The following DPP6 variants were observed in gnomAD, a reference collection of about 807,000 sequenced individuals.
DPP6 encodes A-type potassium channel modulatory protein DPP6.
DPP6 carries 69 observed loss-of-function variants against 122.6 expected under a neutral mutation model. The observed-to-expected ratio is 0.56, with a 90% confidence interval of 0.46 to 0.69. The LOEUF (loss-of-function observed/expected upper bound fraction) is 0.69, where lower values mean the gene tolerates loss of function less well. Ranked by LOEUF, DPP6 falls within the 30% of genes least tolerant of loss-of-function variation. The pLI, the probability that DPP6 is intolerant of heterozygous loss-of-function variation, is 0.00. For missense variants in DPP6, 928 were observed against 1,116.9 expected, an observed-to-expected ratio of 0.83 and a Z score of 2.41; for synonymous variants, 418 against 433.1, an observed-to-expected ratio of 0.97 and a Z score of 0.43.
At chr7:154,368,738 A>T (rs1488691835) in intron 1 of DPP6, among the ~76,000 whole-genome samples, 2 of 152,258 alleles carry the variant, frequency 1.3e-5, no homozygotes, top group Non-Finnish European at 2.9e-5. Context: ...CCAAAGATTC[A>T]TTAGATGAAT....
At chr7:154,663,489 T>A (rs1469528417) in intron 6 of DPP6, among the ~76,000 whole-genome samples, 1 of 40,616 alleles carries the variant, frequency 2.5e-5, no homozygotes, top group African/African-American at 4.6e-5. Context: ...TCCGTAGTGT[T>A]CATATAGTCA....
At chr7:154,220,903 G>A (rs572922336) in intron 1 of DPP6, among the ~76,000 whole-genome samples, 1 of 152,298 alleles carries the variant, frequency 6.6e-6, no homozygotes, top group South Asian at 2.1e-4. Context: ...CCTTCTGTGA[G>A]TGGGTTTTGG....
rs186756329 is a variant in DPP6, at chr7:154,238,511, C to A, written c.243+185448C>A. On this transcript the variant is annotated intron_variant, in intron 1 of 25. Coordinates refer to ENST00000377770, the MANE Select transcript of DPP6 (RefSeq NM_130797.4). ...GGATTAGACTGTCTGATTTAAGTAA[C>A]ACGATAGCCTAACAAGGAAGCACAG... 1.3e-4 allele frequency among the ~76,000 whole-genome samples: 20 copies of A among 152,204 alleles called. No homozygotes were observed. In the East Asian group the frequency reaches 3.7e-3, roughly 28 times the overall value.
At chr7:154,590,331 C>G (rs945641302) in intron 5 of DPP6, among the ~76,000 whole-genome samples, 1 of 151,856 alleles carries the variant, frequency 6.6e-6, no homozygotes, top group African/African-American at 2.4e-5. Flanking sequence ...AAAATTACAA[C>G]CTGGTCTTCT....
At chr7:154,177,008 A>AT (rs761433405) in intron 1 of DPP6, among the ~76,000 whole-genome samples, 3 of 151,908 alleles carry the variant, frequency 2.0e-5, no homozygotes, top group South Asian at 4.2e-4. Context: ...TAACTTTTGT[A>AT]TTTTTTGTAG....
the DPP6 span, among the ~76,000 whole-genome samples, chr7:153,816,908 GC>G: frequency 6.6e-6 from 1 of 152,110 alleles, no homozygotes; most frequent in African/African-American, 2.4e-5. Flanking sequence ...TGAGAACATA[GC>G]CTCAATCTCA....
intron 21 of DPP6, among the ~76,000 whole-genome samples, chr7:154,882,508 T>C (rs548567428): frequency 6.6e-6 from 1 of 152,334 alleles, no homozygotes; most frequent in Admixed American, 6.5e-5. Context: ...CTGTCCATTC[T>C]GTTTCCTCCT....
At chr7:153,863,958 A>G in the DPP6 span, among the ~76,000 whole-genome samples, 1 of 152,252 alleles carries the variant, frequency 6.6e-6, no homozygotes, top group African/African-American at 2.4e-5. Context: ...GATGTACCAC[A>G]TTTTGTTTAT....
At chr7:154,399,351 C>G (rs1815366905) in intron 1 of DPP6, among the ~76,000 whole-genome samples, 1 of 152,142 alleles carries the variant, frequency 6.6e-6, no homozygotes, top group Non-Finnish European at 1.5e-5. Flanking sequence ...ACATCTAGAT[C>G]ATGCCTGTAA....
chr7:154,055,618 A>C (rs2533721), intron 1 of DPP6: 10 of 152,156 alleles, frequency 6.6e-5, no homozygotes, highest in East Asian at 5.8e-4. Context: ...GTGTCTTGCA[A>C]CTGCTGACAA....
At chr7:154,407,375 A>G (rs1816205322) in intron 1 of DPP6, among the ~76,000 whole-genome samples, 1 of 152,314 alleles carries the variant, frequency 6.6e-6, no homozygotes, top group Admixed American at 6.5e-5. Context: ...TTATTGAAAA[A>G]GTTTTGAGAG....
At position 154,832,741 on chromosome 7, in the gene DPP6, C is replaced by T. The variant is rs73483994; in HGVS notation, c.1667-21039C>T. Among the ~76,000 whole-genome samples, 815 of 152,300 alleles carry T rather than the reference C, an allele frequency of 5.4e-3. 11 individuals are homozygous for T. The highest frequency in any genetic ancestry group is 0.019 in the African/African-American group (796 of 41,568). On this transcript the variant is annotated intron_variant, in intron 16 of 25. Coordinates refer to ENST00000377770, the MANE Select transcript of DPP6 (RefSeq NM_130797.4). Reference sequence around the variant, plus strand: ...CCTCCACAGACCTAAGTGTGTTGAACCCTAGTGACGTCCTAGACACAAGAG... The same window carrying T: ...CCTCCACAGACCTAAGTGTGTTGAATCCTAGTGACGTCCTAGACACAAGAG...
At chr7:154,006,690 A>G (rs1388225251) in intron 1 of DPP6, among the ~76,000 whole-genome samples, 2 of 152,284 alleles carry the variant, frequency 1.3e-5, no homozygotes, top group East Asian at 3.9e-4. Flanking sequence ...AACCGAGGCT[A>G]TGGTTGTATT....
intron 1 of DPP6, among the ~76,000 whole-genome samples, chr7:154,321,358 A>G (rs1435768213): frequency 6.6e-6 from 1 of 151,948 alleles, no homozygotes. Context: ...TAAGATGAAC[A>G]CTGGGTCTGG....
At chr7:153,912,085 C>T (rs1800114132) in intron 1 of DPP6, among the ~76,000 whole-genome samples, 1 of 152,078 alleles carries the variant, frequency 6.6e-6, no homozygotes, top group Non-Finnish European at 1.5e-5. Context: ...AGGCACCATC[C>T]CACAAACCCA....
chr7:154,033,396 C>G (rs1264713737), intron 1 of DPP6, among the ~76,000 whole-genome samples: 1 of 152,184 alleles, frequency 6.6e-6, no homozygotes, highest in Admixed American at 6.5e-5. Context: ...AAGACACTTG[C>G]GTTCTGAGGC....
At chr7:154,742,004 G>A (rs73728223) in intron 8 of DPP6, among the ~76,000 whole-genome samples, 7,361 of 152,272 alleles carry the variant, frequency 0.048, 414 homozygotes, top group African/African-American at 0.13. Context: ...ATTTACTAGG[G>A]AATCCTATTT....
the DPP6 span, among the ~76,000 whole-genome samples, chr7:153,787,858 G>A: frequency 4.9e-5 from 6 of 121,962 alleles, no homozygotes; most frequent in South Asian, 2.7e-4. Flanking sequence ...TTTTCCTGTT[G>A]TGTCTATCTT....
intron 1 of DPP6, among the ~76,000 whole-genome samples, chr7:153,900,507 G>T (rs1372267308): frequency 6.6e-6 from 1 of 152,174 alleles, no homozygotes; most frequent in East Asian, 1.9e-4. Context: ...GAGCCAGTGT[G>T]TAGAAATCAC....
Sources: gnomAD v4.1 joint callset for allele counts (sites outside exome capture counted in the v4.1 genomes callset) on GRCh38, gnomAD v4.1.1 for gene constraint, MANE v1.5 for transcripts, NCBI Gene and HGNC (gene_info 2026-07-23, HGNC 2026-07-21) for gene names.